The following AGBL4 variants were observed in gnomAD, a reference collection of about 807,000 sequenced individuals.
The protein encoded by AGBL4 is AGBL carboxypeptidase 4.
A neutral mutation model predicts 66.4 loss-of-function variants in AGBL4; 58 were observed. That is an observed-to-expected ratio of 0.87 (90% CI 0.71 to 1.09). The LOEUF (loss-of-function observed/expected upper bound fraction) is 1.09, where lower values mean the gene tolerates loss of function less well. AGBL4 is among the 50% of genes least tolerant of loss of function. The probability of loss-of-function intolerance (pLI) is 0.00; values close to 1 mark genes in which losing one functional copy is unlikely to be tolerated. For synonymous variants in AGBL4, 234 were observed against 222.9 expected (o/e 1.05, Z -0.44); for missense variants, 579 against 631.0 (o/e 0.92, Z 0.88).
At chr1:49,956,987 C>A (rs1207218048) in intron 1 of AGBL4, among the ~76,000 whole-genome samples, 1 of 151,894 alleles carries the variant, frequency 6.6e-6, no homozygotes, top group Non-Finnish European at 1.5e-5. Flanking sequence ...AGTAGGAGAA[C>A]AATCCAATCA....
At chr1:49,826,089 T>C (rs2148003378) in intron 2 of AGBL4, among the ~76,000 whole-genome samples, 1 of 152,300 alleles carries the variant, frequency 6.6e-6, no homozygotes, top group African/African-American at 2.4e-5. Context: ...ATTTTAAAAC[T>C]ATTTTAATAT....
chr1:48,797,260 G>T (rs746342448), intron 6 of AGBL4, among the ~76,000 whole-genome samples: 1 of 152,166 alleles, frequency 6.6e-6, no homozygotes, highest in Non-Finnish European at 1.5e-5. Context: ...GGAACAGGTG[G>T]TTTTTGGTTA....
At chr1:49,679,863 A>C (rs1646654425) in intron 3 of AGBL4, among the ~76,000 whole-genome samples, 1 of 152,104 alleles carries the variant, frequency 6.6e-6, no homozygotes, top group South Asian at 2.1e-4. Flanking sequence ...TTAATCACTT[A>C]ATGCTCTACC....
chr1:48,780,231 C>G (rs1228972388), intron 6 of AGBL4, among the ~76,000 whole-genome samples: 5 of 146,888 alleles, frequency 3.4e-5, no homozygotes, highest in East Asian at 4.0e-4. Context: ...TTCCCCTCCC[C>G]GTATCTATGT....
chr1:49,482,721 T>G (rs374016236), intron 3 of AGBL4, among the ~76,000 whole-genome samples: 1 of 151,806 alleles, frequency 6.6e-6, no homozygotes, highest in African/African-American at 2.4e-5. Flanking sequence ...TGATATTAGG[T>G]TGTTGAGATC....
chr1:49,662,775 T>C (rs1038194161), intron 3 of AGBL4, among the ~76,000 whole-genome samples: 5 of 152,064 alleles, frequency 3.3e-5, no homozygotes, highest in Non-Finnish European at 7.4e-5. Context: ...TTGATGGAAA[T>C]AGGAAAACTC....
intron 3 of AGBL4, among the ~76,000 whole-genome samples, chr1:49,362,026 T>C (rs1644146605): frequency 6.6e-6 from 1 of 152,164 alleles, no homozygotes; most frequent in African/African-American, 2.4e-5. Flanking sequence ...AATTAGTAGA[T>C]GCCACCTTCC....
intron 6 of AGBL4, among the ~76,000 whole-genome samples, chr1:48,697,999 C>A (rs1261889212): frequency 1.3e-5 from 2 of 152,244 alleles, no homozygotes; most frequent in Non-Finnish European, 2.9e-5. Context: ...GGCCAGTTAC[C>A]AAATGACTAC....
intron 1 of AGBL4, among the ~76,000 whole-genome samples, chr1:49,986,238 C>A (rs754996912): frequency 2.0e-4 from 30 of 152,016 alleles, no homozygotes; most frequent in Non-Finnish European, 4.0e-4. Flanking sequence ...AGATCTTATG[C>A]CTCCCCAAAA....
intron 2 of AGBL4, among the ~76,000 whole-genome samples, chr1:49,700,219 C>A (rs1647061862): frequency 6.6e-6 from 1 of 150,662 alleles, no homozygotes; most frequent in Non-Finnish European, 1.5e-5. Flanking sequence ...GACTATAAAT[C>A]AAGTAACATT....
At chr1:49,539,355 G>A (rs1452962753) in intron 3 of AGBL4, among the ~76,000 whole-genome samples, 1 of 152,102 alleles carries the variant, frequency 6.6e-6, no homozygotes, top group East Asian at 1.9e-4. Flanking sequence ...TCAGAAATTA[G>A]TTTTAAGAGC....
At chr1:49,901,642 T>C (rs530450156) in intron 1 of AGBL4, among the ~76,000 whole-genome samples, 4 of 152,170 alleles carry the variant, frequency 2.6e-5, no homozygotes, top group Non-Finnish European at 5.9e-5. Context: ...TCAATGTTAT[T>C]CCTATCAATC....
At chr1:49,131,125 C>T (rs962743272) in intron 4 of AGBL4, among the ~76,000 whole-genome samples, 7 of 151,926 alleles carry the variant, frequency 4.6e-5, no homozygotes, top group African/African-American at 1.7e-4. Context: ...ACTGAAGAAA[C>T]CAGGCATGAA....
chr1:48,838,076 GA>G (rs1227801054), intron 6 of AGBL4, among the ~76,000 whole-genome samples: 1 of 151,910 alleles, frequency 6.6e-6, no homozygotes, highest in Non-Finnish European at 1.5e-5. Context: ...GCATAGAAGA[GA>G]AACATGGCAC....
At chr1:49,599,019 A>AT (rs1487120391) in intron 3 of AGBL4, among the ~76,000 whole-genome samples, 1 of 151,922 alleles carries the variant, frequency 6.6e-6, no homozygotes, top group Non-Finnish European at 1.5e-5. Context: ...TTTATTGAGG[A>AT]TTTTCGCATC....
chr1:48,592,494 G>A (rs1368176331), intron 9 of AGBL4, among the ~76,000 whole-genome samples: 1 of 152,202 alleles, frequency 6.6e-6, no homozygotes, highest in Non-Finnish European at 1.5e-5. Context: ...GGAGATACAA[G>A]ATGCACTGCT....
At chr1:48,920,604 C>T (rs1257824416) in intron 5 of AGBL4, among the ~76,000 whole-genome samples, 1 of 152,174 alleles carries the variant, frequency 6.6e-6, no homozygotes, top group Non-Finnish European at 1.5e-5. Context: ...ATAATTACTG[C>T]CACTTCATGG....
intron 3 of AGBL4, among the ~76,000 whole-genome samples, chr1:49,435,297 T>C (rs959020006): frequency 6.6e-6 from 1 of 152,208 alleles, no homozygotes. Flanking sequence ...TCTAATCCAA[T>C]ATGGAGCATA....
At chr1:48,701,366 C>T (rs1188296154) in intron 6 of AGBL4, among the ~76,000 whole-genome samples, 1 of 14,600 alleles carries the variant, frequency 6.8e-5, no homozygotes, top group Non-Finnish European at 6.8e-3. Flanking sequence ...GTGTCTGCCT[C>T]ATTTTGGTTC....
Sources: allele counts gnomAD v4.1 joint callset (sites outside exome capture counted in the v4.1 genomes callset), GRCh38; gene constraint gnomAD v4.1.1; transcripts MANE v1.5; gene names NCBI Gene and HGNC (gene_info 2026-07-23, HGNC 2026-07-21).